The following VSNL1 variants were observed in gnomAD, a reference collection of about 807,000 sequenced individuals.
The protein encoded by VSNL1 is visinin-like protein 1.
Under a neutral mutation model 20.4 loss-of-function variants are expected in VSNL1, and 6 were observed. That is an observed-to-expected ratio of 0.29 (90% CI 0.16 to 0.58). The LOEUF (loss-of-function observed/expected upper bound fraction) is 0.58. VSNL1 is among the 20% of genes least tolerant of loss of function. VSNL1 has a pLI of 0.90. For synonymous variants in VSNL1, 93 were observed against 86.4 expected (o/e 1.08, Z -0.42); for missense variants, 100 against 234.5 (o/e 0.43, Z 3.75).
chr2:17,607,928 AATAAC>A (rs1031016804), intron 2 of VSNL1, among the ~76,000 whole-genome samples: 1 of 152,246 alleles, frequency 6.6e-6, no homozygotes, highest in Non-Finnish European at 1.5e-5. Context: ...AACATAACAG[AATAAC>A]ATAACATCCC....
intron 1 of VSNL1, among the ~76,000 whole-genome samples, chr2:17,582,657 G>A (rs998108685): frequency 6.6e-5 from 10 of 152,086 alleles, no homozygotes; most frequent in East Asian, 1.9e-4. Flanking sequence ...TGAAGATGGC[G>A]GGCCACTTAC....
chr2:17,547,384 G>T (rs2103336047), intron 1 of VSNL1, among the ~76,000 whole-genome samples: 1 of 152,078 alleles, frequency 6.6e-6, no homozygotes, highest in East Asian at 1.9e-4. Flanking sequence ...AAACCACTTT[G>T]GTCACTGAGT....
chr2:17,622,592 GAAAGAA>G (rs1558303719), intron 2 of VSNL1, among the ~76,000 whole-genome samples: 14 of 124,632 alleles, frequency 1.1e-4, no homozygotes, highest in African/African-American at 4.1e-4. Context: ...AAGAAAGAAA[GAAAGAA>G]AGAAAAGAAA....
chr2:17,540,385 C>T (rs1006051352), upstream of VSNL1, among the ~76,000 whole-genome samples: 4 of 152,258 alleles, frequency 2.6e-5, no homozygotes, highest in African/African-American at 9.6e-5. Flanking sequence ...GTCCGGGTAA[C>T]CCGCAGTCCC....
chr2:17,543,104 C>T (rs1456996236), intron 1 of VSNL1, among the ~76,000 whole-genome samples: 3 of 152,160 alleles, frequency 2.0e-5, no homozygotes, highest in Non-Finnish European at 4.4e-5. Flanking sequence ...TTTTATACCA[C>T]CTCATTTCTC....
At chr2:17,585,952 G>A (rs967997055) in intron 1 of VSNL1, among the ~76,000 whole-genome samples, 1 of 151,886 alleles carries the variant, frequency 6.6e-6, no homozygotes, top group African/African-American at 2.4e-5. Flanking sequence ...GGGATTACAG[G>A]TGCCCACCAC....
intron 1 of VSNL1, among the ~76,000 whole-genome samples, chr2:17,579,300 AGG>A (rs954821879): frequency 2.4e-4 from 37 of 152,050 alleles, no homozygotes; most frequent in Admixed American, 1.1e-3. Flanking sequence ...TGTTTTTAGT[AGG>A]GACGGGGTTT....
At chr2:17,576,711 A>G (rs184427602) in intron 1 of VSNL1, among the ~76,000 whole-genome samples, 35 of 152,164 alleles carry the variant, frequency 2.3e-4, no homozygotes, top group African/African-American at 8.2e-4. Flanking sequence ...TAAACTGTGA[A>G]TCTTTATGTA....
At chr2:17,596,701 G>A (rs1349832864) in intron 2 of VSNL1, among the ~76,000 whole-genome samples, 1 of 152,166 alleles carries the variant, frequency 6.6e-6, no homozygotes, top group East Asian at 1.9e-4. Context: ...AAACATTTGG[G>A]TTGGTTTAGG....
At chr2:17,608,708 G>A (rs1053047574) in intron 2 of VSNL1, among the ~76,000 whole-genome samples, 2 of 152,172 alleles carry the variant, frequency 1.3e-5, no homozygotes, top group African/African-American at 2.4e-5. Flanking sequence ...TTGGGAAAAT[G>A]GGGATTCTGG....
At chr2:17,602,932 C>T (rs539212535) in intron 2 of VSNL1, among the ~76,000 whole-genome samples, 59 of 152,272 alleles carry the variant, frequency 3.9e-4, no homozygotes, top group African/African-American at 1.4e-3. Flanking sequence ...GAGTCAGACT[C>T]TTACCCTACT....
At chr2:17,560,782 T>C (rs907411575) in intron 1 of VSNL1, among the ~76,000 whole-genome samples, 1 of 152,228 alleles carries the variant, frequency 6.6e-6, no homozygotes, top group Non-Finnish European at 1.5e-5. Context: ...AAAGATGTCA[T>C]TAACATAGAA....
intron 2 of VSNL1, among the ~76,000 whole-genome samples, chr2:17,627,416 A>C (rs1665537499): frequency 6.6e-6 from 1 of 152,240 alleles, no homozygotes; most frequent in Admixed American, 6.5e-5. Context: ...AGACACGGGA[A>C]TTGCAATAGC....
intron 2 of VSNL1, among the ~76,000 whole-genome samples, chr2:17,648,855 T>C (rs1666059538): frequency 6.6e-6 from 1 of 152,250 alleles, no homozygotes; most frequent in Non-Finnish European, 1.5e-5. Context: ...TTTAAATGTC[T>C]GTTCTGCAAA....
chr2:17,566,836 T>C (rs1326607473), intron 1 of VSNL1, among the ~76,000 whole-genome samples: 1 of 152,224 alleles, frequency 6.6e-6, no homozygotes, highest in Non-Finnish European at 1.5e-5. Context: ...ATTTTTGCCC[T>C]GTAGACATTC....
chr2:17,560,777 T>C (rs1392700513), intron 1 of VSNL1, among the ~76,000 whole-genome samples: 2 of 152,224 alleles, frequency 1.3e-5, no homozygotes, highest in Non-Finnish European at 2.9e-5. Flanking sequence ...TGTCAAAAGA[T>C]GTCATTAACA....
chr2:17,638,629 G>A (rs1427036188), intron 2 of VSNL1, among the ~76,000 whole-genome samples: 1 of 152,214 alleles, frequency 6.6e-6, no homozygotes, highest in South Asian at 2.1e-4. Context: ...CAGACCTGGC[G>A]CTGGAGTCCA....
rs1341124160 is a variant in VSNL1, at chr2:17,576,701, T to C, written c.-5-15369T>C. ...ACTTTTTCTGTTTTTTTAGATTCCC[T>C]AAACTGTGAATCTTTATGTAGTTAT... is the stretch of plus-strand genomic sequence containing the variant. On this transcript the variant is annotated intron_variant, in intron 1 of 3. Coordinates refer to ENST00000295156, the MANE Select transcript of VSNL1 (RefSeq NM_003385.5). Among the ~76,000 whole-genome samples, 3 of 152,238 alleles carry C rather than the reference T, an allele frequency of 2.0e-5. No individual in the cohort carries two copies. In the East Asian group the frequency reaches 5.8e-4, roughly 29 times the overall value.
chr2:17,550,627 A>G (rs1663511479), intron 1 of VSNL1, among the ~76,000 whole-genome samples: 1 of 152,244 alleles, frequency 6.6e-6, no homozygotes, highest in South Asian at 2.1e-4. Context: ...AGGAATCAGC[A>G]TGCATATACA....
Sources: gnomAD v4.1 joint callset for allele counts (sites outside exome capture counted in the v4.1 genomes callset) on GRCh38, gnomAD v4.1.1 for gene constraint, MANE v1.5 for transcripts, NCBI Gene and HGNC (gene_info 2026-07-23, HGNC 2026-07-21) for gene names.